Variants in TNFRSF25 observed in about 807,000 individuals in gnomAD.
The protein encoded by TNFRSF25 is TNF receptor superfamily member 25.
A neutral mutation model predicts 49.4 loss-of-function variants in TNFRSF25; 28 were observed. That is an observed-to-expected ratio of 0.57 (90% confidence interval 0.42 to 0.78). The LOEUF (loss-of-function observed/expected upper bound fraction) is 0.78, where lower values mean the gene tolerates loss of function less well. Among genes scored for constraint, TNFRSF25 ranks in the 30% least tolerant of loss-of-function variants. The probability of loss-of-function intolerance (pLI) is 0.00; values close to 1 mark genes in which losing one functional copy is unlikely to be tolerated. For synonymous variants in TNFRSF25, 240 were observed against 234.2 expected, an observed-to-expected ratio of 1.02 and a Z score of -0.23; for missense variants, 531 against 581.6, an observed-to-expected ratio of 0.91 and a Z score of 0.90.
chr1:6,463,085 A>C lies in TNFRSF25; in HGVS notation c.585T>G (p.Cys195Trp), dbSNP rs1454624939. 1.3e-6 allele frequency: 2 copies of C among 1,551,722 alleles called. No individual in the cohort carries two copies. Among genetic ancestry groups the C allele is most frequent in the Non-Finnish European group, 1.7e-6 (2 of 1,147,098 alleles). Reference sequence around the variant, plus strand: ...CACACCACCTACTCTGCCTCCAGCCACAGACAGCGGCACAGCGCTCTGGAC... The same window carrying C: ...CACACCACCTACTCTGCCTCCAGCCCCAGACAGCGGCACAGCGCTCTGGAC... ...GSCPERCAAVCGWRQMFWVQV... is the reference protein window; with the variant it reads ...GSCPERCAAVWGWRQMFWVQV... Residue 195 changes from cysteine to tryptophan, a missense_variant, in exon 6 of 10, where the codon TGT becomes TGG. Coordinates refer to ENST00000356876, the MANE Select transcript of TNFRSF25 (RefSeq NM_003790.3).
chr1:6,465,614 C>T lies in TNFRSF25; in HGVS notation c.40-54G>A, dbSNP rs1018568886. 1.9e-6 allele frequency: 3 copies of T among 1,576,114 alleles called. No individual in the cohort carries two copies. In the Admixed American group the frequency reaches 5.5e-5, roughly 29 times the overall value. ...CGCAGCTGCCCACGTGGGGCCTCTC[C>T]CTGCTGCGTCTCCTCCATTTCAGAG... On this transcript the variant is annotated intron_variant, in intron 1 of 9. Coordinates refer to ENST00000356876, the MANE Select transcript of TNFRSF25 (RefSeq NM_003790.3).
In TNFRSF25 at chr1:6,465,521, C is replaced by T. The variant is rs777055238; in HGVS notation, c.79G>A (p.Gly27Ser). The change falls in exon 2 of 10, where the codon GGC (glycine) becomes AGC (serine). Residue 27 changes from glycine (G) to serine (S), a missense_variant. Physicochemically the swap from Gly to Ser is moderately conservative, Grantham distance 56. Coordinates refer to ENST00000356876, the MANE Select transcript of TNFRSF25 (RefSeq NM_003790.3). ...LVLLGARAQG[G>S]TRSPRCDCAG... is the part of the protein sequence containing the mutation. The stretch of plus-strand genomic sequence containing the variant: ...CAGTCACACCTGGGGCTACGAGTGC[C>T]GCCCTGGGCCCGGGCCCCCAGCAGC... 1.8e-4 allele frequency: 292 copies of T among 1,613,532 alleles called. No individual in the cohort carries two copies. Among genetic ancestry groups the T allele is most frequent in the Non-Finnish European group, 2.3e-4 (277 of 1,179,944 alleles).
At position 6,465,114 on chromosome 1, in the gene TNFRSF25, G is replaced by T; in HGVS notation, c.269C>A (p.Ala90Asp). The change falls in exon 3 of 10, where the codon GCC becomes GAC. Residue 90 changes from alanine to aspartate, a missense_variant. Ala to Asp is a moderately radical substitution (Grantham distance 126). Transcript: ENST00000356876. ...CTGCTCATCACAGGCCTGGCAGCGGGCACATTCAGAATTATGGTGGTTCTC... is the reference window on the plus strand; with the variant it reads ...CTGCTCATCACAGGCCTGGCAGCGGTCACATTCAGAATTATGGTGGTTCTC... ...AWENHHNSEC[A>D]RCQACDEQAS... 1.9e-6 allele frequency: 3 copies of T among 1,613,962 alleles called. No individual in the cohort carries two copies. The South Asian group carries it at 3.3e-5, about 18-fold the overall frequency.
In TNFRSF25 at chr1:6,465,524, C is replaced by T. The variant is rs769551908; in HGVS notation, c.76G>A (p.Gly26Ser). ...TCACACCTGGGGCTACGAGTGCCGCCCTGGGCCCGGGCCCCCAGCAGCACC... is the reference window on the plus strand; with the variant it reads ...TCACACCTGGGGCTACGAGTGCCGCTCTGGGCCCGGGCCCCCAGCAGCACC... ...LLVLLGARAQ[G>S]GTRSPRCDCA... The change falls in exon 2 of 10, where the codon GGC becomes AGC. Residue 26 changes from glycine to serine, a missense_variant. Physicochemically the swap from Gly to Ser is moderately conservative, Grantham distance 56. Coordinates refer to ENST00000356876, the MANE Select transcript of TNFRSF25 (RefSeq NM_003790.3). The T allele has an allele frequency of 1.2e-5, 20 of 1,613,536 alleles. No individual in the cohort carries two copies. Among genetic ancestry groups the T allele is most frequent in the Non-Finnish European group, 1.4e-5 (17 of 1,179,944 alleles).
At position 6,462,540 on chromosome 1, in the gene TNFRSF25, C is replaced by G; in HGVS notation, c.744+89G>C. On this transcript the variant is annotated intron_variant, in intron 8 of 9. Transcript: ENST00000356876. This position sits in a 1 kb window ranked among gnomAD's most constrained non-coding sequence, Gnocchi z 4.2. ...CTCTGTCCACTAGGGCTACCCGGTG[C>G]TGGCCGCGTGCCAAGCTCCAGGGAT... 1.9e-6 allele frequency: 3 copies of G among 1,560,610 alleles called. No homozygotes were observed. Among genetic ancestry groups the G allele is most frequent in the Non-Finnish European group, 2.6e-6 (3 of 1,154,118 alleles).
chr1:6,465,946 A>C lies in TNFRSF25; in HGVS notation c.39+123T>G, dbSNP rs561882370. ...CTGGAGGAGCCTTTAACGAGATCGGAAAGGGCGGCCAACCCAGCCCCCAGT... is the reference window on the plus strand; with the variant it reads ...CTGGAGGAGCCTTTAACGAGATCGGCAAGGGCGGCCAACCCAGCCCCCAGT... On this transcript the variant is annotated intron_variant, in intron 1 of 9. Coordinates refer to ENST00000356876, the MANE Select transcript of TNFRSF25 (RefSeq NM_003790.3). 40 of 1,459,786 alleles carry C rather than the reference A, an allele frequency of 2.7e-5. No individual in the cohort carries two copies. The East Asian group carries it at 3.8e-4, about 14-fold the overall frequency. The allele number at this position is 1,459,786 out of a possible 1,614,324, so 90.4% of individuals were successfully genotyped here.
At position 6,462,333 on chromosome 1, in the gene TNFRSF25, A is replaced by G; in HGVS notation, c.745-159T>C. 1 of 1,179,304 alleles carries G rather than the reference A, an allele frequency of 8.5e-7. No individual in the cohort carries two copies. Among genetic ancestry groups the G allele is most frequent in the Non-Finnish European group, 1.2e-6 (1 of 864,466 alleles). 73.1% of individuals were successfully genotyped at this position (1,179,304 alleles called of 1,614,324 possible). ...CCTGCTCTCACTGTAGCCCAGCAGA[A>G]CTCTTGCTTCTGCCTTGAGTCCCCT... On this transcript the variant is annotated intron_variant, in intron 8 of 9. Coordinates refer to ENST00000356876, the MANE Select transcript of TNFRSF25 (RefSeq NM_003790.3). The surrounding 1 kb of genome is among the most constrained non-coding windows in gnomAD (Gnocchi z 4.2).
In TNFRSF25 at chr1:6,461,096, C is replaced by T. The variant is rs1009434933; in HGVS notation, c.*338G>A. ...AGATTCCCGTCCCCTTCGAATCCCT[C>T]GAGAAAAGTCCAGTCCACTTAACAC... On this transcript the variant is annotated 3_prime_UTR_variant, in exon 10 of 10. Coordinates refer to ENST00000356876, the MANE Select transcript of TNFRSF25 (RefSeq NM_003790.3). This position sits in a 1 kb window ranked among gnomAD's most constrained non-coding sequence, Gnocchi z 6.3. The T allele has an allele frequency of 5.5e-6, 3 of 541,530 alleles. No individual in the cohort carries two copies. The highest frequency in any genetic ancestry group is 1.5e-5 in the South Asian group (1 of 64,746). The allele number at this position is 541,530 out of a possible 1,614,324, so 33.5% of individuals were successfully genotyped here. A position where few individuals can be genotyped will look rare whatever the true frequency, so the allele number is the denominator to read the frequency against.
In TNFRSF25 at chr1:6,462,515, C is replaced by T; in HGVS notation, c.744+114G>A. ...CCACTGATGACTCTGCTCCCAACACCTCTGTCCACTAGGGCTACCCGGTGC... is the reference window on the plus strand; with the variant it reads ...CCACTGATGACTCTGCTCCCAACACTTCTGTCCACTAGGGCTACCCGGTGC... On this transcript the variant is annotated intron_variant, in intron 8 of 9. Coordinates refer to ENST00000356876, the MANE Select transcript of TNFRSF25 (RefSeq NM_003790.3). This position sits in a 1 kb window ranked among gnomAD's most constrained non-coding sequence, Gnocchi z 4.2. 6.5e-7 allele frequency: 1 copy of T among 1,538,076 alleles called. No homozygotes were observed. Among genetic ancestry groups the T allele is most frequent in the South Asian group, 1.3e-5 (1 of 77,706 alleles).
In TNFRSF25 at chr1:6,465,135, T is replaced by G. The variant is rs1409409636; in HGVS notation, c.248A>C (p.Asn83Thr). 6.2e-7 allele frequency: 1 copy of G among 1,614,026 alleles called. No individual in the cohort carries two copies. The highest frequency in any genetic ancestry group is 1.3e-5 in the African/African-American group (1 of 75,044). Residue 83 changes from asparagine to threonine, a missense_variant, in exon 3 of 10, where the codon AAC (asparagine) becomes ACC (threonine). By Grantham distance (65) the Asn-to-Thr change is moderately conservative (BLOSUM62 0). Transcript: ENST00000356876. Reference protein sequence around the residue: ...CPQDTFLAWENHHNSECARCQ... With the variant: ...CPQDTFLAWETHHNSECARCQ... ...GCGGGCACATTCAGAATTATGGTGG[T>G]TCTCCCAGGCCAAGAAGGTGTCTTG...
rs957556863 is a variant in TNFRSF25 at position 6,465,667 on chromosome 1, C to A, written c.40-107G>T. On this transcript the variant is annotated intron_variant, in intron 1 of 9. Transcript: ENST00000356876. ...CCCAGCATTTGCCCACAGAGCAGCCCACTTCCCAGGCCCCGGGCAGAAGGG... is the reference window on the plus strand; with the variant it reads ...CCCAGCATTTGCCCACAGAGCAGCCAACTTCCCAGGCCCCGGGCAGAAGGG... The A allele has an allele frequency of 1.3e-5, 19 of 1,490,798 alleles. No homozygotes were observed. The African/African-American group carries it at 2.4e-4, about 19-fold the overall frequency. 92.3% of individuals were successfully genotyped at this position (1,490,798 alleles called of 1,614,324 possible).
Position 6,464,475 on chromosome 1 carries a change from C to T in TNFRSF25, c.464-22G>A, listed in dbSNP as rs541840321. ...GAACCTGCAATCCAGGAGAGGCATG[C>T]GTCACCATGGGACAGGAGTGGGTCA... On this transcript the variant is annotated intron_variant, in intron 4 of 9. Coordinates refer to ENST00000356876, the MANE Select transcript of TNFRSF25 (RefSeq NM_003790.3). 12 of 1,610,946 alleles carry T rather than the reference C, an allele frequency of 7.4e-6. No homozygotes were observed. In the East Asian group the frequency reaches 8.9e-5, roughly 12 times the overall value.
At position 6,465,555 on chromosome 1, in the gene TNFRSF25, G is replaced by A. The variant is rs1644327821; in HGVS notation, c.45C>T (p.Leu15=). ...CCCGGGCCCCCAGCAGCACCAGGAG[G>A]AGCGCCTGGGGGACAGGTGCTGCTG... ...PRGCAAVAAA[L]LLVLLGARAQ... The change falls in exon 2 of 10, where the codon CTC becomes CTT. Residue 15 remains leucine (L), a synonymous_variant. Transcript: ENST00000356876. 1.2e-6 allele frequency: 2 copies of A among 1,612,564 alleles called. No homozygotes were observed. Among genetic ancestry groups the A allele is most frequent in the Admixed American group, 1.7e-5 (1 of 59,896 alleles).
intron 2 of TNFRSF25, 105 bp from the exon 3 acceptor site, chr1:6,465,327 C>T (rs1644317132): frequency 7.8e-6 from 10 of 1,283,030 alleles, no homozygotes; most frequent in Non-Finnish European, 1.0e-5. Flanking sequence ...CTCCCTACTT[C>T]TCTGTCAGCC....
Position 6,464,268 on chromosome 1 carries a change from T to A in TNFRSF25, c.542+107A>T. 7 of 1,529,486 alleles carry A rather than the reference T, an allele frequency of 4.6e-6. No individual in the cohort carries two copies. In the South Asian group the frequency reaches 8.7e-5, roughly 19 times the overall value. 94.7% of individuals were successfully genotyped at this position (1,529,486 alleles called of 1,614,324 possible). A position where few individuals can be genotyped will look rare whatever the true frequency, so the allele number is the denominator to read the frequency against. The stretch of plus-strand genomic sequence containing the variant: ...CCATCACAGGGCCAAGGCTCCCTCC[T>A]CCCTATCCCCTCTTCCTATTCCTGA... On this transcript the variant is annotated intron_variant, in intron 5 of 9. Transcript: ENST00000356876.
chr1:6,462,919 C>A lies in TNFRSF25; in HGVS notation c.650G>T (p.Gly217Val), dbSNP rs771050659. 6.2e-7 allele frequency: 1 copy of A among 1,603,800 alleles called. No individual in the cohort carries two copies. Among genetic ancestry groups the A allele is most frequent in the East Asian group, 2.2e-5 (1 of 44,464 alleles). Residue 217 changes from glycine to valine, a missense_variant, in exon 7 of 10, where the codon GGG becomes GTG. Coordinates refer to ENST00000356876, the MANE Select transcript of TNFRSF25 (RefSeq NM_003790.3). The surrounding 1 kb of genome is among the most constrained non-coding windows in gnomAD (Gnocchi z 4.2). Reference protein sequence around the residue: ...LAGLVVPLLLGATLTYTYRHC... With the variant: ...LAGLVVPLLLVATLTYTYRHC... Reference sequence around the variant, plus strand: ...GCGGTATGTGTAGGTCAGGGTGGCCCCAAGCAGGAGGGGGACCACAAGGCC... The same window carrying A: ...GCGGTATGTGTAGGTCAGGGTGGCCACAAGCAGGAGGGGGACCACAAGGCC...
intron 2 of TNFRSF25, 66 bp downstream of exon 2, chr1:6,465,374 C>G: frequency 6.2e-7 from 1 of 1,607,636 alleles, no homozygotes. Context: ...TCTTACCTCC[C>G]GGGCCTGCCC....
Position 6,461,831 on chromosome 1 carries a change from T to A in TNFRSF25, c.926-69A>T. 1.4e-6 allele frequency: 2 copies of A among 1,457,834 alleles called. No homozygotes were observed. The highest frequency in any genetic ancestry group is 2.8e-5 in the South Asian group (2 of 72,320). 90.3% of individuals were successfully genotyped at this position (1,457,834 alleles called of 1,614,324 possible). A position where few individuals can be genotyped will look rare whatever the true frequency, so the allele number is the denominator to read the frequency against. Reference sequence around the variant, plus strand: ...GGTCGGGAGGCAGAGTCAGGGGCGTTCGTGCGGGTACCCCAGGGCTGAAGC... The same window carrying A: ...GGTCGGGAGGCAGAGTCAGGGGCGTACGTGCGGGTACCCCAGGGCTGAAGC... On this transcript the variant is annotated intron_variant, in intron 9 of 9. Transcript: ENST00000356876. This position sits in a 1 kb window ranked among gnomAD's most constrained non-coding sequence, Gnocchi z 6.3.
chr1:6,462,789 C>T lies in TNFRSF25; in HGVS notation c.706+74G>A, dbSNP rs757044820. On this transcript the variant is annotated intron_variant, in intron 7 of 9. Transcript: ENST00000356876. The surrounding 1 kb of genome is among the most constrained non-coding windows in gnomAD (Gnocchi z 4.2). ...CCTGCCTCAGTTTCCCCTTCTGTAT[C>T]AGGGTTGAGTAGACTCTGGGCTACC... 1.7e-5 allele frequency: 26 copies of T among 1,567,180 alleles called. No individual in the cohort carries two copies. Among genetic ancestry groups the T allele is most frequent in the Non-Finnish European group, 2.1e-5 (24 of 1,154,896 alleles).
Sources: allele counts gnomAD v4.1 joint callset, GRCh38; gene constraint gnomAD v4.1.1; non-coding constraint Gnocchi (gnomAD v3.1); transcripts MANE v1.5; gene names NCBI Gene and HGNC (gene_info 2026-07-23, HGNC 2026-07-21).